Variants in UBN2 observed in about 807,000 individuals in gnomAD.
UBN2 encodes the protein ubinuclein 2.
In UBN2, 35 loss-of-function variants were observed where a neutral mutation model predicts 120.2. That is an observed-to-expected ratio of 0.29 (90% CI 0.22 to 0.39). The LOEUF (loss-of-function observed/expected upper bound fraction) is 0.39, where lower values mean the gene tolerates loss of function less well. UBN2 is among the 10% of genes least tolerant of loss of function. UBN2 has a pLI of 1.00. For missense variants in UBN2, 1,693 were observed against 1,663.2 expected, an observed-to-expected ratio of 1.02 and a Z score of -0.31; for synonymous variants, 661 against 648.7, an observed-to-expected ratio of 1.02 and a Z score of -0.29.
chr7:139,236,035 T>C (rs1296276811), intron 1 of UBN2, among the ~76,000 whole-genome samples: 1 of 152,214 alleles, frequency 6.6e-6, no homozygotes, highest in African/African-American at 2.4e-5. Flanking sequence ...TTAAATTACC[T>C]GAGTCAGTTG....
At chr7:139,258,675 A>ATT in intron 4 of UBN2, 50 bp downstream of exon 4, 1 of 1,458,932 alleles carries the variant, frequency 6.9e-7, no homozygotes, top group South Asian at 1.5e-5. Context: ...AATTAATAGG[A>ATT]TTTTTTTTAA....
Position 139,274,000 on chromosome 7 carries a change from T to C in UBN2, c.1899T>C (p.Ser633=), listed in dbSNP as rs748206285. 7 of 1,613,898 alleles carry C rather than the reference T, an allele frequency of 4.3e-6. No homozygotes were observed. In the Admixed American group the frequency reaches 1.2e-4, roughly 27 times the overall value. ...CYELEPNKSQ[S]AEDYLKSFME... ...AGTTAGAACCAAATAAAAGCCAGTCTGCTGAAGATTATCTTAAGTCTTTTA... is the reference window on the plus strand; with the variant it reads ...AGTTAGAACCAAATAAAAGCCAGTCCGCTGAAGATTATCTTAAGTCTTTTA... The change falls in exon 11 of 18, where the codon TCT becomes TCC. Residue 633 remains serine, a synonymous_variant. Coordinates refer to ENST00000473989, the MANE Select transcript of UBN2 (RefSeq NM_173569.4).
In UBN2 at chr7:139,297,984, G is replaced by T. The variant is rs1798159085; in HGVS notation, c.*148G>T. The T allele has an allele frequency of 2.3e-6, 2 of 854,184 alleles. No individual in the cohort carries two copies. The highest frequency in any genetic ancestry group is 2.7e-5 in the Admixed American group (1 of 37,286). The allele number at this position is 854,184 out of a possible 1,614,324, so 52.9% of individuals were successfully genotyped here. A position where few individuals can be genotyped will look rare whatever the true frequency, so the allele number is the denominator to read the frequency against. On this transcript the variant is annotated 3_prime_UTR_variant, in exon 18 of 18. Coordinates refer to ENST00000473989, the MANE Select transcript of UBN2 (RefSeq NM_173569.4). ...ACTGTGGTGAGGAGGAAAAAGAAAAGAAAACATTACTTGAGCAAAGCCAGG... is the reference window on the plus strand; with the variant it reads ...ACTGTGGTGAGGAGGAAAAAGAAAATAAAACATTACTTGAGCAAAGCCAGG...
At chr7:139,329,302 G>A in the UBN2 span, among the ~76,000 whole-genome samples, 1 of 151,222 alleles carries the variant, frequency 6.6e-6, no homozygotes. Context: ...AGGAGAAATC[G>A]GATACTCTTG....
At chr7:139,311,579 ACCTAGCACAGTG>A (rs564568359), downstream of UBN2, among the ~76,000 whole-genome samples, 217 of 152,370 alleles carry the variant, frequency 1.4e-3, no homozygotes, top group Admixed American at 3.3e-3. Flanking sequence ...TATGGAAAGC[ACCTAGCACAGTG>A]CCTAGCACAT....
At chr7:139,277,589 TTGGTTG>T (rs1222360248) in intron 12 of UBN2, 10 of 152,098 alleles carry the variant, frequency 6.6e-5, no homozygotes, top group African/African-American at 2.4e-5. Flanking sequence ...ATGCATTGAG[TTGGTTG>T]TGGTTTTTGG....
Position 139,236,572 on chromosome 7 carries a change from T to C in UBN2, c.469-433T>C, listed in dbSNP as rs1796167817. Among the ~76,000 whole-genome samples the C allele has an allele frequency of 2.6e-5, 4 of 152,218 alleles. No homozygotes were observed. The South Asian group carries it at 6.2e-4, about 24-fold the overall frequency. On this transcript the variant is annotated intron_variant, in intron 1 of 17. Coordinates refer to ENST00000473989, the MANE Select transcript of UBN2 (RefSeq NM_173569.4). Reference sequence around the variant, plus strand: ...TATAAGTGAGATTTTCATATTTAGCTAGTGTTCCTGGGGATTTTTTTTCTT... The same window carrying C: ...TATAAGTGAGATTTTCATATTTAGCCAGTGTTCCTGGGGATTTTTTTTCTT...
At chr7:139,324,292 G>A in the UBN2 span, among the ~76,000 whole-genome samples, 1 of 152,132 alleles carries the variant, frequency 6.6e-6, no homozygotes, top group African/African-American at 2.4e-5. Flanking sequence ...AAACTTGGCT[G>A]GGCGTGGTGG....
the UBN2 span, among the ~76,000 whole-genome samples, chr7:139,315,039 A>G: frequency 1.3e-5 from 2 of 151,572 alleles, no homozygotes; most frequent in African/African-American, 4.8e-5. Context: ...GCAGTGGCAC[A>G]ATCTCGGCTC....
chr7:139,285,367 T>C (rs1295176102), intron 15 of UBN2, among the ~76,000 whole-genome samples: 1 of 152,206 alleles, frequency 6.6e-6, no homozygotes, highest in Non-Finnish European at 1.5e-5. Flanking sequence ...ATAAATGCTA[T>C]TTTACCTTAG....
intron 15 of UBN2, among the ~76,000 whole-genome samples, chr7:139,285,468 T>A (rs1306450929): frequency 6.6e-6 from 1 of 152,250 alleles, no homozygotes; most frequent in African/African-American, 2.4e-5. Flanking sequence ...CCCAATTTTG[T>A]AAATACTACT....
At chr7:139,268,848 C>T (rs1217669460) in intron 7 of UBN2, among the ~76,000 whole-genome samples, 1 of 152,194 alleles carries the variant, frequency 6.6e-6, no homozygotes, top group Non-Finnish European at 1.5e-5. Context: ...CCAGCTTGTT[C>T]ATGGTTATTG....
Position 139,247,454 on chromosome 7 carries a change from A to G in UBN2, c.562-4502A>G, listed in dbSNP as rs189962708. ...CTAAAAAAATGACCCTATAGGTTCT[A>G]TAACTTCTCATATAGAATTTTTAAA... On this transcript the variant is annotated intron_variant, in intron 2 of 17. Coordinates refer to ENST00000473989, the MANE Select transcript of UBN2 (RefSeq NM_173569.4). Among the ~76,000 whole-genome samples, 50 of 152,348 alleles carry G rather than the reference A, an allele frequency of 3.3e-4. No homozygotes were observed. The East Asian group carries it at 3.5e-3, about 11-fold the overall frequency.
intron 11 of UBN2, among the ~76,000 whole-genome samples, 155 bp downstream of exon 11, chr7:139,274,229 A>T (rs1432355097): frequency 6.6e-6 from 1 of 152,230 alleles, no homozygotes; most frequent in Non-Finnish European, 1.5e-5. Context: ...TTGCTTTGAA[A>T]ACCTTAAGCA....
chr7:139,260,369 A>G (rs2130980358), intron 5 of UBN2, among the ~76,000 whole-genome samples: 1 of 152,334 alleles, frequency 6.6e-6, no homozygotes, highest in South Asian at 2.1e-4. Flanking sequence ...AAGTGCTGAG[A>G]TTACAGGCAT....
At chr7:139,248,945 A>G (rs772538249) in intron 2 of UBN2, among the ~76,000 whole-genome samples, 29 of 151,992 alleles carry the variant, frequency 1.9e-4, no homozygotes, top group Non-Finnish European at 3.8e-4. Flanking sequence ...TCTATTATGT[A>G]TTTTGCATCT....
At chr7:139,311,401 T>G (rs1441612153), downstream of UBN2, among the ~76,000 whole-genome samples, 1 of 152,218 alleles carries the variant, frequency 6.6e-6, no homozygotes, top group Non-Finnish European at 1.5e-5. Context: ...TCTTTTCTAG[T>G]AGGGTGGCGT....
At chr7:139,251,010 A>AG (rs1221841344) in intron 2 of UBN2, among the ~76,000 whole-genome samples, 1 of 152,030 alleles carries the variant, frequency 6.6e-6, no homozygotes, top group Non-Finnish European at 1.5e-5. Flanking sequence ...AGGCTGAGGC[A>AG]GGAGGTTCAC....
rs375368585 is a variant in UBN2, at chr7:139,282,629, A to C, written c.2119-395A>C. On this transcript the variant is annotated intron_variant, in intron 14 of 17. Coordinates refer to ENST00000473989, the MANE Select transcript of UBN2 (RefSeq NM_173569.4). ...GGTCAGCCTCCTAGCAAACCATCCCAGACGAGAAGGGGAGAGTCTTAATAT... is the reference window on the plus strand; with the variant it reads ...GGTCAGCCTCCTAGCAAACCATCCCCGACGAGAAGGGGAGAGTCTTAATAT... Among the ~76,000 whole-genome samples, 4 of 152,308 alleles carry C rather than the reference A, an allele frequency of 2.6e-5. No homozygotes were observed. In the East Asian group the frequency reaches 7.7e-4, roughly 29 times the overall value.
Sources: allele counts gnomAD v4.1 joint callset (sites outside exome capture counted in the v4.1 genomes callset), GRCh38; gene constraint gnomAD v4.1.1; transcripts MANE v1.5; gene names NCBI Gene and HGNC (gene_info 2026-07-23, HGNC 2026-07-21).